PTPN6: variants seen among roughly 807,000 people sequenced by gnomAD.
PTPN6 encodes the protein tyrosine-protein phosphatase non-receptor type 6.
A neutral mutation model predicts 81.5 loss-of-function variants in PTPN6; 18 were observed. The observed-to-expected ratio is 0.22, with a 90% CI of 0.15 to 0.33. The LOEUF (loss-of-function observed/expected upper bound fraction) is 0.33. Ranked by LOEUF, PTPN6 falls within the 10% of genes least tolerant of loss-of-function variation. The pLI is 1.00. For synonymous variants in PTPN6, 301 were observed against 310.9 expected, an observed-to-expected ratio of 0.97 and a Z score of 0.33; for missense variants, 500 against 794.2, an observed-to-expected ratio of 0.63 and a Z score of 4.45.
rs1946097880 is a variant in PTPN6 at position 6,959,908 on chromosome 12, C to T, written c.1362-19C>T. The T allele has an allele frequency of 6.2e-7, 1 of 1,610,878 alleles. No homozygotes were observed. Among genetic ancestry groups the T allele is most frequent in the South Asian group, 1.1e-5 (1 of 90,992 alleles). On this transcript the variant is annotated intron_variant, in intron 11 of 15. Coordinates refer to ENST00000318974, the MANE Select transcript of PTPN6 (RefSeq NM_002831.6). This position sits in a 1 kb window ranked among gnomAD's most constrained non-coding sequence, Gnocchi z 6.6. ...GGAGGGCTTGACTGGCCTCTGATGGCACCCCCGTCTTTCCCCAGCGCCGGC... is the reference window on the plus strand; with the variant it reads ...GGAGGGCTTGACTGGCCTCTGATGGTACCCCCGTCTTTCCCCAGCGCCGGC...
Position 6,958,080 on chromosome 12 carries a change from A to T in PTPN6, c.1361+7A>T, listed in dbSNP as rs781953263. On this transcript the variant is annotated splice_region_variant and intron_variant, in intron 11 of 15. Coordinates refer to ENST00000318974, the MANE Select transcript of PTPN6 (RefSeq NM_002831.6). ...CCATCATCGTGCACTGCAGGTGAGGATGATAATCCTGATGGTAGTAGTGAC... is the reference window on the plus strand; with the variant it reads ...CCATCATCGTGCACTGCAGGTGAGGTTGATAATCCTGATGGTAGTAGTGAC... 6.8e-6 allele frequency: 11 copies of T among 1,609,610 alleles called. No homozygotes were observed. The Admixed American group carries it at 1.7e-4, about 24-fold the overall frequency.
chr12:6,960,391 A>C lies in PTPN6; in HGVS notation c.1629A>C (p.Pro543=), dbSNP rs1555149627. 1.9e-6 allele frequency: 3 copies of C among 1,613,724 alleles called. No homozygotes were observed. Among genetic ancestry groups the C allele is most frequent in the Admixed American group, 3.3e-5 (2 of 60,006 alleles). Reference sequence around the variant, plus strand: ...AGTACGGGAACATCACCTATCCCCCAGCCATGAAGAATGCCCATGCCAAGG... The same window carrying C: ...AGTACGGGAACATCACCTATCCCCCCGCCATGAAGAATGCCCATGCCAAGG... ...ESEYGNITYP[P]AMKNAHAKAS... Residue 543 remains proline, a synonymous_variant, in exon 14 of 16, where the codon CCA becomes CCC. Coordinates refer to ENST00000318974, the MANE Select transcript of PTPN6 (RefSeq NM_002831.6). The surrounding 1 kb of genome is among the most constrained non-coding windows in gnomAD (Gnocchi z 6.1).
chr12:6,951,639 T>G lies in PTPN6; in HGVS notation c.39T>G (p.Asp13Glu). The G allele has an allele frequency of 6.2e-7, 1 of 1,613,688 alleles. No homozygotes were observed. The highest frequency in any genetic ancestry group is 8.5e-7 in the Non-Finnish European group (1 of 1,179,896). Reference protein sequence around the residue: ...RWFHRDLSGLDAETLLKGRGV... With the variant: ...RWFHRDLSGLEAETLLKGRGV... Reference sequence around the variant, plus strand: ...TTCACCGAGACCTCAGTGGGCTGGATGCAGAGACCCTGCTCAAGGGCCGAG... The same window carrying G: ...TTCACCGAGACCTCAGTGGGCTGGAGGCAGAGACCCTGCTCAAGGGCCGAG... The change falls in exon 2 of 16, where the codon GAT (aspartate) becomes GAG (glutamate). Residue 13 changes from aspartate to glutamate, a missense_variant. Asp to Glu is a conservative substitution (Grantham distance 45). This residue lies in a region of PTPN6 where 98 missense variants were observed against 199.2 expected (regional missense o/e 0.49). Coordinates refer to ENST00000318974, the MANE Select transcript of PTPN6 (RefSeq NM_002831.6). This position sits in a 1 kb window ranked among gnomAD's most constrained non-coding sequence, Gnocchi z 7.2.
At position 6,956,245 on chromosome 12, in the gene PTPN6, A is replaced by G; in HGVS notation, c.924+24A>G. On this transcript the variant is annotated intron_variant, in intron 8 of 15. Coordinates refer to ENST00000318974, the MANE Select transcript of PTPN6 (RefSeq NM_002831.6). This position sits in a 1 kb window ranked among gnomAD's most constrained non-coding sequence, Gnocchi z 4.1. ...AGGTCAGCAGTGTGGGCCACGTGGG[A>G]GGAGAGGCTGGGCCCTGGGAATTCC... The G allele has an allele frequency of 1.2e-6, 2 of 1,613,004 alleles. No homozygotes were observed. The highest frequency in any genetic ancestry group is 2.2e-5 in the East Asian group (1 of 44,880).
rs782793853 is a variant in PTPN6 at position 6,952,649 on chromosome 12, C to T, written c.326+472C>T. 2.2e-4 allele frequency: 56 copies of T among 256,214 alleles called. 1 individual carries two copies. The South Asian group carries it at 2.3e-3, about 10-fold the overall frequency. The allele number at this position is 256,214 out of a possible 1,614,324, so 15.9% of individuals were successfully genotyped here. A position where few individuals can be genotyped will look rare whatever the true frequency, so the allele number is the denominator to read the frequency against. On this transcript the variant is annotated intron_variant, in intron 3 of 15. Transcript: ENST00000318974. The surrounding 1 kb of genome is among the most constrained non-coding windows in gnomAD (Gnocchi z 8.1). ...CTTGCCAAGACACTTGATGCCTTGT[C>T]CCAGCCGCCCCGTGGGGATGGGTCT...
rs1946037766 is a variant in PTPN6 at position 6,956,626 on chromosome 12, C to T, written c.1074+58C>T. 4 of 1,606,450 alleles carry T rather than the reference C, an allele frequency of 2.5e-6. No individual in the cohort carries two copies. The highest frequency in any genetic ancestry group is 3.4e-6 in the Non-Finnish European group (4 of 1,176,122). ...CGTGCTTGTGGTCATGCCATTAAGT[C>T]GAAGAGCAGTCAGATGCCAGGGCAG... On this transcript the variant is annotated intron_variant, in intron 9 of 15. Transcript: ENST00000318974. The surrounding 1 kb of genome is among the most constrained non-coding windows in gnomAD (Gnocchi z 4.1).
At position 6,960,888 on chromosome 12, in the gene PTPN6, GA is replaced by G. The variant is rs782143116; in HGVS notation, c.1757del (p.Glu586GlyfsTer23). The G allele has an allele frequency of 6.3e-7, 1 of 1,577,624 alleles. No individual in the cohort carries two copies. Among genetic ancestry groups the G allele is most frequent in the Admixed American group, 1.8e-5 (1 of 54,348 alleles). ...KVKKQRSADK[E>X]KSKGSLKRK ...GAAGAAGCAGCGGTCAGCAGACAAGGAGAAGAGCAAGGGTTCCCTCAAGAGG... is the reference window on the plus strand; with the variant it reads ...GAAGAAGCAGCGGTCAGCAGACAAGGGAAGAGCAAGGGTTCCCTCAAGAGG... On this transcript the variant is annotated frameshift_variant, in exon 15 of 16. Coordinates refer to ENST00000318974, the MANE Select transcript of PTPN6 (RefSeq NM_002831.6). LOFTEE classifies it high-confidence loss of function. This position sits in a 1 kb window ranked among gnomAD's most constrained non-coding sequence, Gnocchi z 6.1.
Position 6,951,932 on chromosome 12 carries a change from C to G in PTPN6, c.132-51C>G. On this transcript the variant is annotated intron_variant, in intron 2 of 15. Coordinates refer to ENST00000318974, the MANE Select transcript of PTPN6 (RefSeq NM_002831.6). This position sits in a 1 kb window ranked among gnomAD's most constrained non-coding sequence, Gnocchi z 7.2. ...CCCAGGACCTCAGCCGATCCCTGCC[C>G]TCCTGCCTCTACTCCTGCACCGACT... The G allele has an allele frequency of 6.3e-7, 1 of 1,595,140 alleles. No homozygotes were observed. The highest frequency in any genetic ancestry group is 8.6e-7 in the Non-Finnish European group (1 of 1,165,630).
At position 6,955,304 on chromosome 12, in the gene PTPN6, G is replaced by A. The variant is rs974706020; in HGVS notation, c.633+37G>A. On this transcript the variant is annotated intron_variant, in intron 5 of 15. Coordinates refer to ENST00000318974, the MANE Select transcript of PTPN6 (RefSeq NM_002831.6). This position sits in a 1 kb window ranked among gnomAD's most constrained non-coding sequence, Gnocchi z 7.2. ...GCCCAGCTGCCTCCCCACTTCCCCTGAGCTGTCCCCCAGATGTGAGCTTCT... is the reference window on the plus strand; with the variant it reads ...GCCCAGCTGCCTCCCCACTTCCCCTAAGCTGTCCCCCAGATGTGAGCTTCT... 5.6e-6 allele frequency: 9 copies of A among 1,610,984 alleles called. No homozygotes were observed. The highest frequency in any genetic ancestry group is 7.6e-6 in the Non-Finnish European group (9 of 1,177,416).
At position 6,954,226 on chromosome 12, in the gene PTPN6, C is replaced by A. The variant is rs1324835916; in HGVS notation, c.327-579C>A. ...TCCCCGCCTCCCTGGCGGAGCGCACCCCATCCGCCTTCCTTGTGACTTGAG... is the reference window on the plus strand; with the variant it reads ...TCCCCGCCTCCCTGGCGGAGCGCACACCATCCGCCTTCCTTGTGACTTGAG... On this transcript the variant is annotated intron_variant, in intron 3 of 15. Transcript: ENST00000318974. This position sits in a 1 kb window ranked among gnomAD's most constrained non-coding sequence, Gnocchi z 5.4. Among the ~76,000 whole-genome samples the A allele has an allele frequency of 1.1e-4, 16 of 152,200 alleles. No individual in the cohort carries two copies. Among genetic ancestry groups the A allele is most frequent in the African/African-American group, 3.9e-4 (16 of 41,446 alleles).
Position 6,952,093 on chromosome 12 carries a change from A to T in PTPN6, c.242A>T (p.Gln81Leu). Residue 81 changes from glutamine (Q) to leucine (L), a missense_variant, in exon 3 of 16, where the codon CAG (glutamine) becomes CTG (leucine). Gln to Leu is a moderately radical substitution (Grantham distance 113). Transcript: ENST00000318974. This position sits in a 1 kb window ranked among gnomAD's most constrained non-coding sequence, Gnocchi z 8.1. ...ACAGAGCTGGTGGAGTACTACACTC[A>T]GCAGCAGGGTGTCCTGCAGGACCGC... ...TLTELVEYYT[Q>L]QQGVLQDRDG... The T allele has an allele frequency of 6.2e-7, 1 of 1,614,096 alleles. No individual in the cohort carries two copies. Among genetic ancestry groups the T allele is most frequent in the Non-Finnish European group, 8.5e-7 (1 of 1,180,010 alleles).
Position 6,954,890 on chromosome 12 carries a change from A to C in PTPN6, c.412A>C (p.Ser138Arg), listed in dbSNP as rs1945997072. The C allele has an allele frequency of 1.2e-6, 2 of 1,614,188 alleles. No individual in the cohort carries two copies. Among genetic ancestry groups the C allele is most frequent in the Middle Eastern group, 1.6e-4 (1 of 6,062 alleles). Residue 138 changes from serine to arginine, a missense_variant, in exon 4 of 16, where the codon AGC (serine) becomes CGC (arginine). Around this residue, in one of 6 missense-constraint regions of PTPN6, gnomAD observed 98 missense variants for 199.2 expected, o/e 0.49. Coordinates refer to ENST00000318974, the MANE Select transcript of PTPN6 (RefSeq NM_002831.6). This position sits in a 1 kb window ranked among gnomAD's most constrained non-coding sequence, Gnocchi z 5.4. ...GCCCTGGACGTTTCTTGTGCGTGAG[A>C]GCCTCAGCCAGCCTGGAGACTTCGT... is the stretch of plus-strand genomic sequence containing the variant. ...GEPWTFLVRE[S>R]LSQPGDFVLS...
upstream of PTPN6, among the ~76,000 whole-genome samples, chr12:6,950,875 T>C (rs1305895100): frequency 1.3e-5 from 2 of 152,186 alleles, no homozygotes; most frequent in Non-Finnish European, 2.9e-5. Flanking sequence ...TCAGGTTCCT[T>C]GTCTGTAAAA....
At chr12:6,946,718 A>C (rs782180778), upstream of PTPN6, 3 of 1,611,354 alleles carry the variant, frequency 1.9e-6, no homozygotes, top group Non-Finnish European at 2.5e-6. Context: ...CCCCCTCCCT[A>C]CAGAGAGATG....
rs1946059410 is a variant in PTPN6 at position 6,957,841 on chromosome 12, C to T, written c.1206+56C>T. On this transcript the variant is annotated intron_variant, in intron 10 of 15. Coordinates refer to ENST00000318974, the MANE Select transcript of PTPN6 (RefSeq NM_002831.6). This position sits in a 1 kb window ranked among gnomAD's most constrained non-coding sequence, Gnocchi z 6.5. ...GGGAGTCCCTCCCTGGACTTGTTCT[C>T]CTCTCTGGTCGGGTAGGGTGAGATG... 6.2e-7 allele frequency: 1 copy of T among 1,613,918 alleles called. No homozygotes were observed. The highest frequency in any genetic ancestry group is 1.1e-5 in the South Asian group (1 of 91,072).
At position 6,954,938 on chromosome 12, in the gene PTPN6, C is replaced by G; in HGVS notation, c.460C>G (p.Pro154Ala). The G allele has an allele frequency of 6.2e-7, 1 of 1,614,200 alleles. No individual in the cohort carries two copies. The highest frequency in any genetic ancestry group is 1.1e-5 in the South Asian group (1 of 91,084). ...DFVLSVLSDQPKAGPGSPLRV... is the reference protein window; with the variant it reads ...DFVLSVLSDQAKAGPGSPLRV... The stretch of plus-strand genomic sequence containing the variant: ...CGTGCTTTCTGTGCTCAGTGACCAG[C>G]CCAAGGCTGGCCCAGGCTCCCCGCT... The change falls in exon 4 of 16, where the codon CCC becomes GCC. Residue 154 changes from proline (P) to alanine (A), a missense_variant. Around this residue, in one of 6 missense-constraint regions of PTPN6, gnomAD observed 22 missense variants for 16.1 expected, o/e 1.37. Transcript: ENST00000318974. The surrounding 1 kb of genome is among the most constrained non-coding windows in gnomAD (Gnocchi z 5.4).
chr12:6,952,187 C>A lies in PTPN6; in HGVS notation c.326+10C>A. The A allele has an allele frequency of 6.2e-7, 1 of 1,611,346 alleles. No individual in the cohort carries two copies. Among genetic ancestry groups the A allele is most frequent in the Non-Finnish European group, 8.5e-7 (1 of 1,178,926 alleles). The stretch of plus-strand genomic sequence containing the variant: ...ATCCCACTAGTGAGAGGTGAGGGCT[C>A]CGCACCCCCGCCATTCCCAAGCAGG... On this transcript the variant is annotated intron_variant, in intron 3 of 15. Coordinates refer to ENST00000318974, the MANE Select transcript of PTPN6 (RefSeq NM_002831.6). The surrounding 1 kb of genome is among the most constrained non-coding windows in gnomAD (Gnocchi z 8.1).
rs1945933768 is a variant in PTPN6, at chr12:6,951,920, C to G, written c.132-63C>G. On this transcript the variant is annotated intron_variant, in intron 2 of 15. Transcript: ENST00000318974. The surrounding 1 kb of genome is among the most constrained non-coding windows in gnomAD (Gnocchi z 7.2). ...TGTGTGCCCCCACCCAGGACCTCAG[C>G]CGATCCCTGCCCTCCTGCCTCTACT... 1 of 1,580,552 alleles carries G rather than the reference C, an allele frequency of 6.3e-7. No homozygotes were observed. The highest frequency in any genetic ancestry group is 8.7e-7 in the Non-Finnish European group (1 of 1,155,154).
upstream of PTPN6, among the ~76,000 whole-genome samples, chr12:6,948,755 A>G (rs1945873478): frequency 6.6e-6 from 1 of 151,932 alleles, no homozygotes; most frequent in Admixed American, 6.5e-5. Flanking sequence ...CCTGGCCAAC[A>G]TGGTGAAACC....
Sources: allele counts gnomAD v4.1 joint callset (sites outside exome capture counted in the v4.1 genomes callset), GRCh38; gene constraint gnomAD v4.1.1; regional missense constraint gnomAD v4.1.1; non-coding constraint Gnocchi (gnomAD v3.1); transcripts MANE v1.5; gene names NCBI Gene and HGNC (gene_info 2026-07-23, HGNC 2026-07-21).